The following MAN1A1 variants were observed in gnomAD, a reference collection of about 807,000 sequenced individuals.
The protein encoded by MAN1A1 is mannosyl-oligosaccharide 1,2-alpha-mannosidase IA.
A neutral mutation model predicts 70.8 loss-of-function variants in MAN1A1; 29 were observed. The observed-to-expected ratio is 0.41, with a 90% CI of 0.31 to 0.56. MAN1A1 has a LOEUF of 0.56. Among genes scored for constraint, MAN1A1 ranks in the 20% least tolerant of loss-of-function variants. The pLI, the probability that MAN1A1 is intolerant of heterozygous loss-of-function variation, is 0.29. For missense variants in MAN1A1, 747 were observed against 841.3 expected, an observed-to-expected ratio of 0.89 and a Z score of 1.39; for synonymous variants, 349 against 330.1, an observed-to-expected ratio of 1.06 and a Z score of -0.62.
chr6:119,197,327 A>G (rs907140741), intron 8 of MAN1A1, among the ~76,000 whole-genome samples: 4 of 151,994 alleles, frequency 2.6e-5, no homozygotes, highest in Non-Finnish European at 5.9e-5. Context: ...AAAAAAGGTA[A>G]GGGGCAAAAA....
chr6:119,316,187 T>TC (rs1393362736), intron 2 of MAN1A1, among the ~76,000 whole-genome samples: 1 of 150,510 alleles, frequency 6.6e-6, no homozygotes, highest in Non-Finnish European at 1.5e-5. Context: ...TTTTTTTTTT[T>TC]TTTTTTTGAG....
At position 119,196,311 on chromosome 6, in the gene MAN1A1, TA is replaced by T. The variant is rs562946533; in HGVS notation, c.1211-2420del. Among the ~76,000 whole-genome samples, 840 of 109,198 alleles carry T rather than the reference TA, an allele frequency of 7.7e-3. 9 individuals carry two copies. The highest frequency in any genetic ancestry group is 0.029 in the African/African-American group (791 of 26,914). The allele number at this position is 109,198 out of a possible 152,430, so 71.6% of individuals were successfully genotyped here. A position where few individuals can be genotyped will look rare whatever the true frequency, so the allele number is the denominator to read the frequency against. ...TTCTATTTTTAAAATTTCCTGCCTA[TA>T]AAAATTTCACATTAAAAAAAAAAAA... is the stretch of plus-strand genomic sequence containing the variant. On this transcript the variant is annotated intron_variant, in intron 8 of 12. Coordinates refer to ENST00000368468, the MANE Select transcript of MAN1A1 (RefSeq NM_005907.4).
At chr6:119,277,450 C>T (rs560058981) in intron 5 of MAN1A1, among the ~76,000 whole-genome samples, 54 of 152,232 alleles carry the variant, frequency 3.5e-4, no homozygotes, top group African/African-American at 1.3e-3. Flanking sequence ...AATTCCCAGA[C>T]CATAAAAATT....
At chr6:119,256,144 A>G (rs73517500) in intron 5 of MAN1A1, among the ~76,000 whole-genome samples, 1,932 of 152,302 alleles carry the variant, frequency 0.013, 41 homozygotes, top group African/African-American at 0.04. Flanking sequence ...ATAACCAAGA[A>G]GAATCAAGGT....
chr6:119,268,532 G>A (rs890490887), intron 5 of MAN1A1, among the ~76,000 whole-genome samples: 1 of 151,974 alleles, frequency 6.6e-6, no homozygotes, highest in Admixed American at 6.6e-5. Context: ...TCCAATGCAT[G>A]TTCCAGCTCC....
chr6:119,304,508 C>A (rs1772478215), intron 3 of MAN1A1, among the ~76,000 whole-genome samples: 1 of 152,138 alleles, frequency 6.6e-6, no homozygotes, highest in Admixed American at 6.5e-5. Context: ...AACTTGAAAT[C>A]TTTTGTACCA....
chr6:119,209,585 T>C (rs1773986126), intron 6 of MAN1A1, among the ~76,000 whole-genome samples: 1 of 152,248 alleles, frequency 6.6e-6, no homozygotes, highest in African/African-American at 2.4e-5. Context: ...TTTTGGATTT[T>C]AGCACAGATT....
At chr6:119,342,484 A>G (rs1190774028) in intron 2 of MAN1A1, among the ~76,000 whole-genome samples, 1 of 152,204 alleles carries the variant, frequency 6.6e-6, no homozygotes, top group Non-Finnish European at 1.5e-5. Context: ...CAAAGTGGGT[A>G]CTATTAACCT....
intron 3 of MAN1A1, among the ~76,000 whole-genome samples, chr6:119,303,161 C>T (rs1045604258): frequency 6.6e-6 from 1 of 151,964 alleles, no homozygotes; most frequent in Non-Finnish European, 1.5e-5. Flanking sequence ...TGGGATTATA[C>T]GTGTGTGCCA....
intron 6 of MAN1A1, among the ~76,000 whole-genome samples, chr6:119,246,689 G>C (rs1381393631): frequency 1.3e-5 from 2 of 152,128 alleles, no homozygotes; most frequent in African/African-American, 4.8e-5. Context: ...TTAGGTAAGA[G>C]AGTAGTATCT....
intron 6 of MAN1A1, among the ~76,000 whole-genome samples, chr6:119,208,135 T>C (rs1304328510): frequency 3.9e-5 from 6 of 152,138 alleles, no homozygotes; most frequent in Admixed American, 6.5e-5. Context: ...AGACGACAAG[T>C]TGGCCAGTGG....
intron 5 of MAN1A1, among the ~76,000 whole-genome samples, chr6:119,286,024 A>C (rs1381451479): frequency 1.3e-5 from 2 of 152,178 alleles, no homozygotes. Context: ...GGCAGAATAC[A>C]CTGCTATGTG....
At chr6:119,243,151 G>A (rs924343479) in intron 6 of MAN1A1, among the ~76,000 whole-genome samples, 5 of 151,950 alleles carry the variant, frequency 3.3e-5, no homozygotes, top group African/African-American at 1.2e-4. Flanking sequence ...TTTATACTCA[G>A]GCTTATATCA....
intron 6 of MAN1A1, among the ~76,000 whole-genome samples, chr6:119,244,589 G>A (rs1321433368): frequency 1.3e-5 from 2 of 151,930 alleles, no homozygotes; most frequent in Non-Finnish European, 2.9e-5. Flanking sequence ...TCCTCATGTA[G>A]TATATGAGTG....
intron 6 of MAN1A1, among the ~76,000 whole-genome samples, chr6:119,247,925 T>C (rs1363798249): frequency 6.6e-6 from 1 of 152,196 alleles, no homozygotes; most frequent in Non-Finnish European, 1.5e-5. Flanking sequence ...GGAAGTGAAA[T>C]GCTTTGATGA....
chr6:119,285,556 T>C (rs1313049046), intron 5 of MAN1A1, among the ~76,000 whole-genome samples: 1 of 152,146 alleles, frequency 6.6e-6, no homozygotes, highest in Non-Finnish European at 1.5e-5. Context: ...CTTCACTGTA[T>C]GGGATTAACA....
At chr6:119,332,854 TAA>T (rs148935587) in intron 2 of MAN1A1, among the ~76,000 whole-genome samples, 1 of 151,458 alleles carries the variant, frequency 6.6e-6, no homozygotes, top group Non-Finnish European at 1.5e-5. Flanking sequence ...AAATTCTTTT[TAA>T]AAGAGAAATA....
chr6:119,251,902 C>T (rs527488316), intron 5 of MAN1A1, among the ~76,000 whole-genome samples: 14 of 152,200 alleles, frequency 9.2e-5, no homozygotes, highest in African/African-American at 2.4e-4. Context: ...GCCTGCAATG[C>T]TCTTTCCTGA....
At chr6:119,241,653 T>C (rs1046827510) in intron 6 of MAN1A1, among the ~76,000 whole-genome samples, 1 of 152,188 alleles carries the variant, frequency 6.6e-6, no homozygotes, top group Non-Finnish European at 1.5e-5. Flanking sequence ...TTCTAGGATT[T>C]TAAAATTTCA....
Sources: gnomAD v4.1 joint callset for allele counts (sites outside exome capture counted in the v4.1 genomes callset) on GRCh38, gnomAD v4.1.1 for gene constraint, MANE v1.5 for transcripts, NCBI Gene and HGNC (gene_info 2026-07-23, HGNC 2026-07-21) for gene names.